ABCD2: variants seen among roughly 807,000 people sequenced by gnomAD.
ABCD2 encodes ATP binding cassette subfamily D member 2.
Under a neutral mutation model 70.9 loss-of-function variants are expected in ABCD2, and 36 were observed. The ratio of observed to expected loss-of-function variants is 0.51; its 90% CI spans 0.39 to 0.67. The LOEUF is 0.67. Among genes scored for constraint, ABCD2 ranks in the 30% least tolerant of loss-of-function variants. The probability of loss-of-function intolerance (pLI) is 0.00; values close to 1 mark genes in which losing one functional copy is unlikely to be tolerated. For missense variants in ABCD2, 729 were observed against 890.2 expected (o/e 0.82, Z 2.30); for synonymous variants, 304 against 306.9 (o/e 0.99, Z 0.10).
chr12:39,591,210 AT>A (rs1224941908), intron 6 of ABCD2, among the ~76,000 whole-genome samples: 1 of 152,208 alleles, frequency 6.6e-6, no homozygotes, highest in African/African-American at 2.4e-5. Context: ...CAATCATTGC[AT>A]CAGGGTTTTT....
Position 39,619,014 on chromosome 12 carries a change from C to G in ABCD2, c.602G>C (p.Gly201Ala), listed in dbSNP as rs772728599. The stretch of plus-strand genomic sequence containing the variant: ...AGATTGGTCAGGGTTTGCCAGCCTC[C>G]CATCCATATTGATCACTTTATAATA... ...QTYYKVINMD[G>A]RLANPDQSLT... The change falls in exon 1 of 10, where the codon GGG becomes GCG. Residue 201 changes from glycine to alanine, a missense_variant. Around this residue, in one of 3 missense-constraint regions of ABCD2, gnomAD observed 245 missense variants for 261.2 expected, o/e 0.94. Transcript: ENST00000308666. 2.5e-6 allele frequency: 4 copies of G among 1,614,170 alleles called. No individual in the cohort carries two copies. Among genetic ancestry groups the G allele is most frequent in the Non-Finnish European group, 3.4e-6 (4 of 1,180,032 alleles).
chr12:39,616,230 C>A (rs986287223), intron 2 of ABCD2, among the ~76,000 whole-genome samples: 1 of 152,140 alleles, frequency 6.6e-6, no homozygotes, highest in Non-Finnish European at 1.5e-5. Flanking sequence ...TCAGTTAATT[C>A]TTCTCTGTTC....
At chr12:39,538,171 C>CTTTTT in the ABCD2 span, among the ~76,000 whole-genome samples, 4 of 139,714 alleles carry the variant, frequency 2.9e-5, no homozygotes, top group South Asian at 6.8e-4. Flanking sequence ...TTCTTTCTTT[C>CTTTTT]TTTTTTTTTT....
the ABCD2 span, among the ~76,000 whole-genome samples, chr12:39,535,176 C>A: frequency 2.3e-4 from 35 of 151,998 alleles, no homozygotes; most frequent in African/African-American, 7.7e-4. Context: ...CAAACAAGAT[C>A]CAATCCACTC....
At position 39,619,042 on chromosome 12, in the gene ABCD2, T is replaced by A. The variant is rs1223273601; in HGVS notation, c.574A>T (p.Thr192Ser). 6.2e-7 allele frequency: 1 copy of A among 1,614,198 alleles called. No homozygotes were observed. The highest frequency in any genetic ancestry group is 8.5e-7 in the Non-Finnish European group (1 of 1,180,028). Residue 192 changes from threonine (T) to serine (S), a missense_variant, in exon 1 of 10, where the codon ACT becomes TCT. This residue lies in a region of ABCD2 where 245 missense variants were observed against 261.2 expected (regional missense o/e 0.94). Coordinates refer to ENST00000308666, the MANE Select transcript of ABCD2 (RefSeq NM_005164.4). ...TCCATATTGATCACTTTATAATAAG[T>A]CTGATTTGTAAAATAGGTTTCATAG... The part of the protein sequence containing the change: ...HAYETYFTNQ[T>S]YYKVINMDGR...
rs535363658 is a variant in ABCD2, at chr12:39,552,912, T to C, written c.*1000A>G. ...AAGTAAAGTGCATGATTAGGGCAAGTCTGAGTGTCAATTTTCTCAAAAGCA... is the reference window on the plus strand; with the variant it reads ...AAGTAAAGTGCATGATTAGGGCAAGCCTGAGTGTCAATTTTCTCAAAAGCA... On this transcript the variant is annotated 3_prime_UTR_variant, in exon 10 of 10. Transcript: ENST00000308666. The C allele has an allele frequency of 6.6e-6, 1 of 152,106 alleles. No individual in the cohort carries two copies. The highest frequency in any genetic ancestry group is 2.1e-4 in the South Asian group (1 of 4,826). 9.4% of individuals were successfully genotyped at this position (152,106 alleles called of 1,614,324 possible).
At chr12:39,581,077 A>G (rs1191404471) in intron 7 of ABCD2, among the ~76,000 whole-genome samples, 1 of 152,194 alleles carries the variant, frequency 6.6e-6, no homozygotes, top group Non-Finnish European at 1.5e-5. Context: ...TTCTTCCTTT[A>G]AAATTACCAC....
At chr12:39,605,014 G>T in intron 3 of ABCD2, 84 bp from the exon 4 acceptor site, 1 of 1,142,372 alleles carries the variant, frequency 8.8e-7, no homozygotes, top group Non-Finnish European at 1.2e-6. Context: ...TAAGCTTCTT[G>T]ACTTAATGTA....
At chr12:39,542,395 G>C in the ABCD2 span, among the ~76,000 whole-genome samples, 1 of 151,700 alleles carries the variant, frequency 6.6e-6, no homozygotes, top group Non-Finnish European at 1.5e-5. Context: ...CCCGAGAGGT[G>C]GAGGTTGCAG....
chr12:39,556,969 T>G (rs1168831144), intron 9 of ABCD2, among the ~76,000 whole-genome samples: 1 of 142,956 alleles, frequency 7.0e-6, no homozygotes, highest in Non-Finnish European at 1.5e-5. Flanking sequence ...GGTGACAGAG[T>G]GAGACTCTGT....
At chr12:39,586,408 C>T in intron 6 of ABCD2, 111 bp from the exon 7 acceptor site, 2 of 1,076,668 alleles carry the variant, frequency 1.9e-6, no homozygotes, top group Non-Finnish European at 2.6e-6. Context: ...ACTACATTTC[C>T]AGGATGATAT....
At chr12:39,534,884 GA>G in the ABCD2 span, among the ~76,000 whole-genome samples, 117 of 2,136 alleles carry the variant, frequency 0.055, 1 homozygote, top group Middle Eastern at 0.5. Flanking sequence ...AGGAAGGAAG[GA>G]AAGAAAGAAA....
At position 39,618,815 on chromosome 12, in the gene ABCD2, A is replaced by G; in HGVS notation, c.801T>C (p.Thr267=). 6.2e-7 allele frequency: 1 copy of G among 1,614,236 alleles called. No individual in the cohort carries two copies. Among genetic ancestry groups the G allele is most frequent in the Non-Finnish European group, 8.5e-7 (1 of 1,180,046 alleles). Residue 267 remains threonine (T), a synonymous_variant, in exon 1 of 10, where the codon ACT becomes ACC. Coordinates refer to ENST00000308666, the MANE Select transcript of ABCD2 (RefSeq NM_005164.4). ...TLLAGLVVYA[T]AKVLKACSPK... is the part of the protein sequence containing the mutation. Reference sequence around the variant, plus strand: ...GAGAACAGGCTTTTAACACTTTAGCAGTGGCATACACCACAAGTCCTGCTA... The same window carrying G: ...GAGAACAGGCTTTTAACACTTTAGCGGTGGCATACACCACAAGTCCTGCTA...
Position 39,579,591 on chromosome 12 carries a change from A to G in ABCD2, c.1821T>C (p.Asp607=), listed in dbSNP as rs1941568248. 3 of 1,612,812 alleles carry G rather than the reference A, an allele frequency of 1.9e-6. No homozygotes were observed. The highest frequency in any genetic ancestry group is 1.3e-5 in the African/African-American group (1 of 74,928). The change falls in exon 8 of 10, where the codon GAT becomes GAC. Residue 607 remains aspartate, a synonymous_variant. Transcript: ENST00000308666. ...TTTGCTTTTCCCCTCCTGACAGGAC[A>G]TCTTTCCAGTCCATAACAGCATCCC... ...GGWDAVMDWK[D]VLSGGEKQRM...
intron 8 of ABCD2, among the ~76,000 whole-genome samples, chr12:39,579,094 G>A (rs1372946734): frequency 6.6e-6 from 1 of 152,178 alleles, no homozygotes; most frequent in Admixed American, 6.5e-5. Context: ...AGTCACGGTG[G>A]CTCACGCCTG....
At chr12:39,539,299 T>C in the ABCD2 span, among the ~76,000 whole-genome samples, 1 of 152,204 alleles carries the variant, frequency 6.6e-6, no homozygotes, top group African/African-American at 2.4e-5. Context: ...CATATTACTG[T>C]TGAAAAACTT....
chr12:39,612,032 C>T (rs960535597), intron 2 of ABCD2, among the ~76,000 whole-genome samples: 6 of 152,008 alleles, frequency 3.9e-5, no homozygotes, highest in Non-Finnish European at 8.8e-5. Context: ...AAAGTAAGAC[C>T]ACAGTGAAGT....
intron 8 of ABCD2, 24 bp downstream of exon 8, chr12:39,579,511 G>GT: frequency 1.3e-6 from 2 of 1,565,114 alleles, no homozygotes; most frequent in Non-Finnish European, 1.8e-6. Context: ...TGGCCTAGTA[G>GT]TTACCTGAAT....
At position 39,605,973 on chromosome 12, in the gene ABCD2, G is replaced by T. The variant is rs540729978; in HGVS notation, c.1237-1043C>A. On this transcript the variant is annotated intron_variant, in intron 3 of 9. Transcript: ENST00000308666. ...TTACACTGTTATTTCATTTCTATAT[G>T]TTAATGTTATAGCTATTTAAATGAT... 2.6e-5 allele frequency among the ~76,000 whole-genome samples: 4 copies of T among 152,228 alleles called. No homozygotes were observed. In the East Asian group the frequency reaches 7.7e-4, roughly 29 times the overall value.
Sources: gnomAD v4.1 joint callset for allele counts (sites outside exome capture counted in the v4.1 genomes callset) on GRCh38, gnomAD v4.1.1 for gene constraint, gnomAD v4.1.1 regional missense constraint, MANE v1.5 for transcripts, NCBI Gene and HGNC (gene_info 2026-07-23, HGNC 2026-07-21) for gene names.